The following WDTC1 variants were observed in gnomAD, a reference collection of about 807,000 sequenced individuals.
WDTC1 encodes the protein WD and tetratricopeptide repeats 1.
A neutral mutation model predicts 76.0 loss-of-function variants in WDTC1; 12 were observed. That is an observed-to-expected ratio of 0.16 (90% CI 0.10 to 0.26). The LOEUF (loss-of-function observed/expected upper bound fraction) is 0.26, where lower values mean the gene tolerates loss of function less well. WDTC1 is among the 10% of genes least tolerant of loss of function. WDTC1 has a pLI of 1.00. For missense variants in WDTC1, 511 were observed against 908.8 expected (o/e 0.56, Z 5.63); for synonymous variants, 326 against 350.8 (o/e 0.93, Z 0.79).
Position 27,301,403 on chromosome 1 carries a change from C to G in WDTC1, c.1410C>G (p.Ser470Arg). Residue 470 changes from serine to arginine, a missense_variant, in exon 13 of 16, where the codon AGC becomes AGG. Coordinates refer to ENST00000319394, the MANE Select transcript of WDTC1 (RefSeq NM_001276252.2). The surrounding 1 kb of genome is among the most constrained non-coding windows in gnomAD (Gnocchi z 5.8). ...KGKFPEQAHS[S>R]ACDALGRDIT... ...AATTTCCGGAGCAGGCCCACAGCAG[C>G]GCTTGTGATGCATTGGGCCGCGACA... The G allele has an allele frequency of 1.2e-6, 2 of 1,614,140 alleles. No homozygotes were observed. Among genetic ancestry groups the G allele is most frequent in the African/African-American group, 1.3e-5 (1 of 75,050 alleles).
At chr1:27,234,530 G>A (rs1041558215), upstream of WDTC1, 3 of 371,538 alleles carry the variant, frequency 8.1e-6, no homozygotes, top group Admixed American at 4.6e-5. Flanking sequence ...GGGGGGGCCC[G>A]GCTAGCCATT....
intron 1 of WDTC1, among the ~76,000 whole-genome samples, chr1:27,253,529 A>C (rs1211689082): frequency 8.0e-6 from 1 of 124,602 alleles, no homozygotes; most frequent in Non-Finnish European, 1.7e-5. Flanking sequence ...TTTTTTTTTT[A>C]ACCGACAAGG....
intron 11 of WDTC1, among the ~76,000 whole-genome samples, chr1:27,297,653 A>G (rs2013728485): frequency 6.6e-6 from 1 of 152,196 alleles, no homozygotes; most frequent in Non-Finnish European, 1.5e-5. Context: ...GGCAGGTGGT[A>G]TCAGCTACTA....
At chr1:27,286,192 G>A (rs1354410527) in intron 5 of WDTC1, among the ~76,000 whole-genome samples, 5 of 151,076 alleles carry the variant, frequency 3.3e-5, no homozygotes, top group African/African-American at 1.2e-4. Context: ...TAGTAAAGAC[G>A]GGGTTTCACC....
At position 27,287,928 on chromosome 1, in the gene WDTC1, C is replaced by T. The variant is rs559888441; in HGVS notation, c.479+67C>T. The T allele has an allele frequency of 1.1e-5, 17 of 1,528,462 alleles. No individual in the cohort carries two copies. In the East Asian group the frequency reaches 4.1e-4, roughly 37 times the overall value. The allele number at this position is 1,528,462 out of a possible 1,614,324, so 94.7% of individuals were successfully genotyped here. A position where few individuals can be genotyped will look rare whatever the true frequency, so the allele number is the denominator to read the frequency against. On this transcript the variant is annotated intron_variant, in intron 6 of 15. Transcript: ENST00000319394. ...TCCCATCATCCTATAGTGTTTCCTT[C>T]TACAGACCTAGCTCTTTCCCTCCAG...
rs2013826244 is a variant in WDTC1, at chr1:27,301,284, T to C, written c.1291T>C (p.Cys431Arg). The C allele has an allele frequency of 6.2e-7, 1 of 1,614,138 alleles. No homozygotes were observed. Among genetic ancestry groups the C allele is most frequent in the Non-Finnish European group, 8.5e-7 (1 of 1,180,022 alleles). ...DCLKAISLNP[C>R]HLKAHFRLAR... Reference sequence around the variant, plus strand: ...CCTCAAGGCCATCTCCCTAAACCCATGCCACCTGAAGGCACACTTTCGCCT... The same window carrying C: ...CCTCAAGGCCATCTCCCTAAACCCACGCCACCTGAAGGCACACTTTCGCCT... The change falls in exon 13 of 16, where the codon TGC becomes CGC. Residue 431 changes from cysteine to arginine, a missense_variant. Physicochemically the swap from Cys to Arg is radical, Grantham distance 180. Transcript: ENST00000319394. The surrounding 1 kb of genome is among the most constrained non-coding windows in gnomAD (Gnocchi z 5.8).
chr1:27,283,569 C>G (rs1350368128), intron 5 of WDTC1, 120 bp downstream of exon 5: 4 of 768,900 alleles, frequency 5.2e-6, no homozygotes, highest in Non-Finnish European at 8.3e-6. Flanking sequence ...TCACAGACAA[C>G]CTTATGATCT....
At chr1:27,272,331 C>T (rs1225924154) in intron 3 of WDTC1, among the ~76,000 whole-genome samples, 1 of 152,072 alleles carries the variant, frequency 6.6e-6, no homozygotes, top group Non-Finnish European at 1.5e-5. Context: ...CTCAAGTGAT[C>T]CCACCTTGGC....
intron 13 of WDTC1, among the ~76,000 whole-genome samples, chr1:27,302,477 AT>A (rs1359350591): frequency 6.6e-6 from 1 of 152,110 alleles, no homozygotes; most frequent in Non-Finnish European, 1.5e-5. Flanking sequence ...GCTCACGCTT[AT>A]AATCCCAGCA....
chr1:27,286,422 C>A (rs901514585), intron 5 of WDTC1, among the ~76,000 whole-genome samples: 4 of 151,092 alleles, frequency 2.6e-5, no homozygotes, highest in Non-Finnish European at 4.4e-5. Flanking sequence ...TAAGAGGCAT[C>A]CAAGCATTTC....
intron 1 of WDTC1, among the ~76,000 whole-genome samples, chr1:27,237,445 C>T (rs1257839192): frequency 6.6e-6 from 1 of 152,154 alleles, no homozygotes; most frequent in African/African-American, 2.4e-5. Context: ...TCCAGATGCT[C>T]CACTGTATCT....
Position 27,303,556 on chromosome 1 carries a change from T to G in WDTC1, c.1469-65T>G. ...TTTGGACTGAAAACAGAGCCATAGG[T>G]GGGGGAAAATAGGGAAGGAGAGAAA... is the stretch of plus-strand genomic sequence containing the variant. On this transcript the variant is annotated intron_variant, in intron 13 of 15. Coordinates refer to ENST00000319394, the MANE Select transcript of WDTC1 (RefSeq NM_001276252.2). This position sits in a 1 kb window ranked among gnomAD's most constrained non-coding sequence, Gnocchi z 4.8. 1.3e-6 allele frequency: 2 copies of G among 1,513,790 alleles called. No homozygotes were observed. The highest frequency in any genetic ancestry group is 1.8e-6 in the Non-Finnish European group (2 of 1,136,594). The allele number at this position is 1,513,790 out of a possible 1,614,324, so 93.8% of individuals were successfully genotyped here.
chr1:27,240,033 T>TG (rs946111349), intron 1 of WDTC1, among the ~76,000 whole-genome samples: 5 of 151,700 alleles, frequency 3.3e-5, no homozygotes, highest in African/African-American at 1.2e-4. Flanking sequence ...AGATTATAGG[T>TG]GCGCGCCACC....
intron 1 of WDTC1, among the ~76,000 whole-genome samples, chr1:27,244,033 C>T (rs1310903733): frequency 6.6e-6 from 1 of 151,410 alleles, no homozygotes; most frequent in African/African-American, 2.4e-5. Context: ...GTCCCAACTA[C>T]TCGGGAGGCT....
At chr1:27,302,464 G>GTGGCTCACGCTTATAATCCCAGCACTT (rs2013856375) in intron 13 of WDTC1, among the ~76,000 whole-genome samples, 1 of 152,194 alleles carries the variant, frequency 6.6e-6, no homozygotes, top group Admixed American at 6.5e-5. Context: ...GCCTAGCGCG[G>GTGGCTCACGCTTATAATCCCAGCACTT]TGGCTCACGC....
At chr1:27,289,443 C>T (rs1401860547) in intron 6 of WDTC1, among the ~76,000 whole-genome samples, 5 of 150,450 alleles carry the variant, frequency 3.3e-5, no homozygotes, top group South Asian at 4.2e-4. Flanking sequence ...CGGGCAGAGA[C>T]GCTCCTCACT....
Position 27,260,948 on chromosome 1 carries a change from TCCCCCAGG to T in WDTC1, c.-99-7_-99del. The T allele has an allele frequency of 1.6e-6, 2 of 1,261,776 alleles. No individual in the cohort carries two copies. Among genetic ancestry groups the T allele is most frequent in the Admixed American group, 2.1e-5 (1 of 47,820 alleles). 78.2% of individuals were successfully genotyped at this position (1,261,776 alleles called of 1,614,324 possible). A position where few individuals can be genotyped will look rare whatever the true frequency, so the allele number is the denominator to read the frequency against. On this transcript the variant is annotated splice_acceptor_variant and splice_polypyrimidine_tract_variant and 5_prime_UTR_variant and intron_variant, in exon 2 of 16. Coordinates refer to ENST00000319394, the MANE Select transcript of WDTC1 (RefSeq NM_001276252.2). LOFTEE classifies it low-confidence loss of function (5UTR_SPLICE). ...ATCCTCCAAAGTTTGATGATTTTTT[TCCCCCAGG>T]TAATTAAATGTGTATTTTGTGGACC...
intron 3 of WDTC1, among the ~76,000 whole-genome samples, chr1:27,273,630 T>C (rs938714368): frequency 1.3e-5 from 2 of 152,170 alleles, no homozygotes; most frequent in Non-Finnish European, 2.9e-5. Context: ...AATTTGAATA[T>C]GGACTATACG....
At position 27,305,223 on chromosome 1, in the gene WDTC1, G is replaced by T; in HGVS notation, c.1836+30G>T. The T allele has an allele frequency of 6.2e-7, 1 of 1,603,994 alleles. No homozygotes were observed. On this transcript the variant is annotated intron_variant, in intron 15 of 15. Transcript: ENST00000319394. The surrounding 1 kb of genome is among the most constrained non-coding windows in gnomAD (Gnocchi z 4.6). ...GGGTGCAGAGCCAAGCAGAGAGGAG[G>T]GCAGGGACTCTGTGGAAGGCTCCAG...
Sources: gnomAD v4.1 joint callset for allele counts (sites outside exome capture counted in the v4.1 genomes callset) on GRCh38, gnomAD v4.1.1 for gene constraint, Gnocchi (gnomAD v3.1) non-coding constraint, MANE v1.5 for transcripts, NCBI Gene and HGNC (gene_info 2026-07-23, HGNC 2026-07-21) for gene names.